KIF17: variants seen among roughly 807,000 people sequenced by gnomAD.
KIF17 encodes the protein kinesin family member 17.
KIF17 carries 80 observed loss-of-function variants against 96.8 expected under a neutral mutation model. The observed-to-expected ratio is 0.83, with a 90% CI of 0.69 to 1.00. KIF17 has a LOEUF of 1.00. Ranked by LOEUF, KIF17 falls within the 50% of genes least tolerant of loss-of-function variation. KIF17 has a pLI of 0.00. For synonymous variants in KIF17, 567 were observed against 587.5 expected (o/e 0.97, Z 0.51); for missense variants, 1,280 against 1,372.9 (o/e 0.93, Z 1.07).
intron 5 of KIF17, among the ~76,000 whole-genome samples, chr1:20,702,181 G>T (rs994105126): frequency 2.6e-5 from 4 of 152,214 alleles, no homozygotes; most frequent in Admixed American, 2.6e-4. Context: ...CTTTACAGAT[G>T]AAGAGACTGA....
In KIF17 at chr1:20,664,532, G is replaced by T; in HGVS notation, c.*52C>A. On this transcript the variant is annotated 3_prime_UTR_variant, in exon 15 of 15. Coordinates refer to ENST00000400463, the MANE Select transcript of KIF17 (RefSeq NM_001122819.3). ...GACCTGGTTGGGGCTGCCCTGGGAG[G>T]GCCTGGCAGTCTCTACATGCCTATA... 6.8e-6 allele frequency: 11 copies of T among 1,613,218 alleles called. No homozygotes were observed. Among genetic ancestry groups the T allele is most frequent in the African/African-American group, 1.3e-5 (1 of 75,046 alleles).
rs550529099 is a variant in KIF17 at position 20,681,343 on chromosome 1, C to T, written c.2463+1310G>A. On this transcript the variant is annotated intron_variant, in intron 11 of 14. Transcript: ENST00000400463. ...TAGCTGGGATTACAGCATGCGCCAC[C>T]ACGCCGGACTAATTTTTGTATTTTT... 5.3e-5 allele frequency among the ~76,000 whole-genome samples: 8 copies of T among 151,484 alleles called. No individual in the cohort carries two copies. The South Asian group carries it at 1.5e-3, about 28-fold the overall frequency.
Position 20,700,429 on chromosome 1 carries a change from A to G in KIF17, c.1124-1941T>C, listed in dbSNP as rs1230567077. Among the ~76,000 whole-genome samples the G allele has an allele frequency of 1.3e-5, 2 of 152,108 alleles. No homozygotes were observed. Among genetic ancestry groups the G allele is most frequent in the Non-Finnish European group, 2.9e-5 (2 of 68,020 alleles). ...GGATCTGCTGACCAACTGGATGTAG[A>G]TTTGAGAGAACGTGAGAAGCCAGGG... is the stretch of plus-strand genomic sequence containing the variant. On this transcript the variant is annotated intron_variant, in intron 5 of 14. Coordinates refer to ENST00000400463, the MANE Select transcript of KIF17 (RefSeq NM_001122819.3). The surrounding 1 kb of genome is among the most constrained non-coding windows in gnomAD (Gnocchi z 4.6).
At chr1:20,715,309 T>C (rs1314235686) in intron 2 of KIF17, among the ~76,000 whole-genome samples, 184 bp downstream of exon 2, 3 of 152,216 alleles carry the variant, frequency 2.0e-5, no homozygotes, top group African/African-American at 7.2e-5. Context: ...GAGAAAAGCA[T>C]GGACAGAATT....
At chr1:20,680,919 T>C (rs1162473430) in intron 11 of KIF17, among the ~76,000 whole-genome samples, 4 of 151,634 alleles carry the variant, frequency 2.6e-5, no homozygotes, top group Non-Finnish European at 5.9e-5. Context: ...GTCAGGAGAT[T>C]GAGACCATCC....
intron 6 of KIF17, among the ~76,000 whole-genome samples, chr1:20,690,599 T>C (rs1007773373): frequency 8.3e-4 from 126 of 151,972 alleles, no homozygotes; most frequent in African/African-American, 2.9e-3. Flanking sequence ...CATGGCTCAT[T>C]CCAGCCTCGA....
At position 20,704,838 on chromosome 1, in the gene KIF17, G is replaced by A. The variant is rs374132196; in HGVS notation, c.732C>T (p.Ser244=). The change falls in exon 5 of 15, where the codon AGC becomes AGT. Residue 244 remains serine (S), a synonymous_variant. Coordinates refer to ENST00000400463, the MANE Select transcript of KIF17 (RefSeq NM_001122819.3). This position sits in a 1 kb window ranked among gnomAD's most constrained non-coding sequence, Gnocchi z 6.8. ...GKLNLVDLAG[S]ERQSKTGATG... is the part of the protein sequence containing the mutation. ...TGGCCCCGGTCTTGGACTGCCGCTC[G>A]CTGCCCGCCAGGTCCACCAGGTTCA... The A allele has an allele frequency of 4.2e-5, 67 of 1,604,902 alleles. No homozygotes were observed. The highest frequency in any genetic ancestry group is 5.5e-5 in the South Asian group (5 of 91,066).
intron 11 of KIF17, among the ~76,000 whole-genome samples, chr1:20,674,916 G>A (rs921015522): frequency 1.2e-4 from 19 of 152,074 alleles, no homozygotes; most frequent in Admixed American, 2.0e-4. Flanking sequence ...TTGGGAGGCC[G>A]AGGTGGATGG....
intron 4 of KIF17, among the ~76,000 whole-genome samples, chr1:20,707,896 GA>G (rs1570477552): frequency 7.1e-6 from 1 of 140,896 alleles, no homozygotes; most frequent in African/African-American, 2.6e-5. Flanking sequence ...AACATATAAA[GA>G]ATTATAAATA....
chr1:20,670,567 C>T, intron 12 of KIF17, 79 bp from the exon 13 acceptor site: 1 of 1,379,278 alleles, frequency 7.3e-7, no homozygotes, highest in Non-Finnish European at 1.0e-6. Context: ...AGGTGGGGGT[C>T]AGGCCTGGCT....
chr1:20,683,451 T>C (rs1490838851), intron 10 of KIF17, among the ~76,000 whole-genome samples: 2 of 152,066 alleles, frequency 1.3e-5, no homozygotes, highest in Non-Finnish European at 2.9e-5. Flanking sequence ...GGTCAGGAGT[T>C]TGAGACTAGC....
chr1:20,698,364 C>A lies in KIF17; in HGVS notation c.1233+15G>T. The A allele has an allele frequency of 1.9e-6, 3 of 1,596,260 alleles. No homozygotes were observed. The highest frequency in any genetic ancestry group is 2.6e-6 in the Non-Finnish European group (3 of 1,164,166). ...GCCTGTCCCTTCTCCATGTTCCCACCCGCTTGGGTCTCACCTCCCGGATCA... is the reference window on the plus strand; with the variant it reads ...GCCTGTCCCTTCTCCATGTTCCCACACGCTTGGGTCTCACCTCCCGGATCA... On this transcript the variant is annotated intron_variant, in intron 6 of 14. Transcript: ENST00000400463.
At chr1:20,681,674 C>T (rs1275419095) in intron 11 of KIF17, among the ~76,000 whole-genome samples, 1 of 152,176 alleles carries the variant, frequency 6.6e-6, no homozygotes, top group Non-Finnish European at 1.5e-5. Context: ...GAATCACGCT[C>T]TCCCTGACTC....
rs143680511 is a variant in KIF17, at chr1:20,700,728, G to A, written c.1124-2240C>T. On this transcript the variant is annotated intron_variant, in intron 5 of 14. Coordinates refer to ENST00000400463, the MANE Select transcript of KIF17 (RefSeq NM_001122819.3). This position sits in a 1 kb window ranked among gnomAD's most constrained non-coding sequence, Gnocchi z 4.6. ...CAGGGCGAGCGAATTCCTAGAAACC[G>A]TAAACCACGAGTCAGTGAGTCCATC... is the stretch of plus-strand genomic sequence containing the variant. Among the ~76,000 whole-genome samples, 368 of 152,256 alleles carry A rather than the reference G, an allele frequency of 2.4e-3. No individual in the cohort carries two copies. The highest frequency in any genetic ancestry group is 8.2e-3 in the African/African-American group (341 of 41,550).
intron 11 of KIF17, among the ~76,000 whole-genome samples, chr1:20,675,728 T>C (rs1426380458): frequency 6.6e-6 from 1 of 152,256 alleles, no homozygotes. Flanking sequence ...CTAATGGGTA[T>C]TGCCTTGAAT....
chr1:20,713,674 C>T lies in KIF17; in HGVS notation c.379-119G>A, dbSNP rs569102649. The T allele has an allele frequency of 4.5e-5, 35 of 774,858 alleles. No individual in the cohort carries two copies. In the African/African-American group the frequency reaches 5.0e-4, roughly 11 times the overall value. The allele number at this position is 774,858 out of a possible 1,614,324, so 48.0% of individuals were successfully genotyped here. A position where few individuals can be genotyped will look rare whatever the true frequency, so the allele number is the denominator to read the frequency against. Reference sequence around the variant, plus strand: ...GACATCATGGGAGGAGAAGGGACATCGGGGCAAGAGGAGTCTCCAACCCAA... The same window carrying T: ...GACATCATGGGAGGAGAAGGGACATTGGGGCAAGAGGAGTCTCCAACCCAA... On this transcript the variant is annotated intron_variant, in intron 2 of 14. Coordinates refer to ENST00000400463, the MANE Select transcript of KIF17 (RefSeq NM_001122819.3).
At chr1:20,669,393 C>T (rs1028192887) in intron 13 of KIF17, among the ~76,000 whole-genome samples, 4 of 151,494 alleles carry the variant, frequency 2.6e-5, no homozygotes, top group East Asian at 1.9e-4. Context: ...AAAAATTAGC[C>T]GGGCTTGGTG....
chr1:20,697,924 G>C (rs781604360), intron 6 of KIF17, among the ~76,000 whole-genome samples: 2 of 152,176 alleles, frequency 1.3e-5, no homozygotes, highest in Non-Finnish European at 2.9e-5. Context: ...ACACTCACCC[G>C]CTGGTCAAAC....
chr1:20,664,585 CA>C lies in KIF17; in HGVS notation c.3085del (p.Ter1029GlufsTer11). 1 of 1,613,866 alleles carries C rather than the reference CA, an allele frequency of 6.2e-7. No individual in the cohort carries two copies. Among genetic ancestry groups the C allele is most frequent in the Non-Finnish European group, 8.5e-7 (1 of 1,179,986 alleles). The part of the protein sequence containing the change: ...SKSNFGSEPL[*>X] ...GCAGGCAATGGCAAGCAGCTGTGCT[CA>C]CAGAGGCTCACTGCCAAAGTTGCTT... On this transcript the variant is annotated frameshift_variant and stop_lost, in exon 15 of 15. Coordinates refer to ENST00000400463, the MANE Select transcript of KIF17 (RefSeq NM_001122819.3). LOFTEE classifies it high-confidence loss of function.
Sources: gnomAD v4.1 joint callset for allele counts (sites outside exome capture counted in the v4.1 genomes callset) on GRCh38, gnomAD v4.1.1 for gene constraint, Gnocchi (gnomAD v3.1) non-coding constraint, MANE v1.5 for transcripts, NCBI Gene and HGNC (gene_info 2026-07-23, HGNC 2026-07-21) for gene names.